ZNF407: variants seen among roughly 807,000 people sequenced by gnomAD.
ZNF407 encodes zinc finger protein 407.
ZNF407 carries 17 observed loss-of-function variants against 131.2 expected under a neutral mutation model. The ratio of observed to expected loss-of-function variants is 0.13; its 90% CI spans 0.09 to 0.19. ZNF407 has a LOEUF of 0.19. Among genes scored for constraint, ZNF407 ranks in the 10% least tolerant of loss-of-function variants. The pLI is 1.00. For synonymous variants in ZNF407, 1,156 were observed against 1,062.0 expected (o/e 1.09, Z -1.72); for missense variants, 2,681 against 2,830.6 (o/e 0.95, Z 1.20).
At chr18:74,720,131 A>G (rs971398268) in intron 3 of ZNF407, among the ~76,000 whole-genome samples, 24 of 152,008 alleles carry the variant, frequency 1.6e-4, no homozygotes, top group Non-Finnish European at 3.1e-4. Flanking sequence ...CCAACGGTGT[A>G]TAAGAAATAG....
chr18:74,846,770 G>A (rs1599193317), intron 4 of ZNF407, among the ~76,000 whole-genome samples: 1 of 151,786 alleles, frequency 6.6e-6, no homozygotes, highest in East Asian at 2.0e-4. Flanking sequence ...GAGGCTGGCG[G>A]AACACGAGGT....
intron 8 of ZNF407, among the ~76,000 whole-genome samples, chr18:74,945,958 G>A (rs1430376920): frequency 6.6e-6 from 1 of 152,178 alleles, no homozygotes; most frequent in Admixed American, 6.5e-5. Context: ...CTAAGTGACA[G>A]GCCTCCGTAA....
At chr18:74,866,403 C>G (rs1221993830) in intron 4 of ZNF407, among the ~76,000 whole-genome samples, 1 of 152,120 alleles carries the variant, frequency 6.6e-6, no homozygotes, top group Non-Finnish European at 1.5e-5. Context: ...TCCTGACATG[C>G]TAGAAGGCCG....
intron 8 of ZNF407, among the ~76,000 whole-genome samples, chr18:75,004,503 G>A (rs932871021): frequency 2.6e-5 from 4 of 152,124 alleles, no homozygotes; most frequent in Non-Finnish European, 5.9e-5. Context: ...GTGCTTCCTC[G>A]GGAATAAAAC....
At chr18:74,628,483 A>C (rs1983900508) in intron 1 of ZNF407, among the ~76,000 whole-genome samples, 2 of 152,200 alleles carry the variant, frequency 1.3e-5, no homozygotes, top group South Asian at 2.1e-4. Flanking sequence ...TAGACATTTC[A>C]TATAAAAAGG....
intron 8 of ZNF407, among the ~76,000 whole-genome samples, chr18:74,926,349 C>T (rs900742968): frequency 2.0e-5 from 3 of 152,098 alleles, no homozygotes; most frequent in African/African-American, 7.2e-5. Context: ...CTGTTGTTTG[C>T]AGTAATGTAA....
chr18:74,933,776 T>A (rs1272348739), intron 8 of ZNF407, among the ~76,000 whole-genome samples: 1 of 152,214 alleles, frequency 6.6e-6, no homozygotes, highest in Non-Finnish European at 1.5e-5. Context: ...TGAAATTTAA[T>A]GGACTAAACA....
At chr18:74,889,811 T>C (rs930269463) in intron 6 of ZNF407, 107 bp from the exon 7 acceptor site, 17 of 1,032,276 alleles carry the variant, frequency 1.6e-5, no homozygotes, top group Non-Finnish European at 2.1e-5. Context: ...ATCATATTCT[T>C]GACATTTCAT....
rs116148958 is a variant in ZNF407, at chr18:74,980,710, C to T, written c.5428+60018C>T. Among the ~76,000 whole-genome samples the T allele has an allele frequency of 7.6e-3, 1,164 of 152,226 alleles. 7 individuals are homozygous for T. Among genetic ancestry groups the T allele is most frequent in the African/African-American group, 0.021 (859 of 41,528 alleles). On this transcript the variant is annotated intron_variant, in intron 8 of 8. Transcript: ENST00000299687. Reference sequence around the variant, plus strand: ...TTTCCAACCTAAGAAGATTCATTTGCAGGCATGAGTGACATGATTTTTTTA... The same window carrying T: ...TTTCCAACCTAAGAAGATTCATTTGTAGGCATGAGTGACATGATTTTTTTA...
chr18:74,637,997 C>T (rs1399141542), intron 2 of ZNF407, among the ~76,000 whole-genome samples: 1 of 152,182 alleles, frequency 6.6e-6, no homozygotes, highest in Non-Finnish European at 1.5e-5. Context: ...ATTAGCAGGA[C>T]TAAAAAACTT....
intron 7 of ZNF407, among the ~76,000 whole-genome samples, chr18:74,896,400 G>T (rs558757786): frequency 1.3e-5 from 2 of 152,294 alleles, no homozygotes; most frequent in South Asian, 2.1e-4. Context: ...CAGGCTGAAA[G>T]ATTACTTTGA....
In ZNF407 at chr18:75,063,245, G is replaced by A. The variant is rs1973659536; in HGVS notation, c.5524G>A (p.Glu1842Lys). The change falls in exon 9 of 9, where the codon GAG becomes AAG. Residue 1842 changes from glutamate to lysine, a missense_variant. Glu to Lys is a moderately conservative substitution (Grantham distance 56, BLOSUM62 1). Transcript: ENST00000299687. This position sits in a 1 kb window ranked among gnomAD's most constrained non-coding sequence, Gnocchi z 6.6. ...CTTCACCGCGGCGGCCTTGGCAGAA[G>A]AGCCCCTCGTCAAGGAGAAGCCCCT... Reference protein sequence around the residue: ...SPFTAAALAEEPLVKEKPLRS... With the variant: ...SPFTAAALAEKPLVKEKPLRS... The A allele has an allele frequency of 6.2e-7, 1 of 1,613,478 alleles. No individual in the cohort carries two copies. Among genetic ancestry groups the A allele is most frequent in the African/African-American group, 1.3e-5 (1 of 74,934 alleles).
chr18:74,867,553 G>C (rs1339775400), intron 4 of ZNF407, among the ~76,000 whole-genome samples: 1 of 152,126 alleles, frequency 6.6e-6, no homozygotes, highest in Non-Finnish European at 1.5e-5. Flanking sequence ...CTTACTAGCT[G>C]CTTTTTCCTC....
chr18:74,733,268 T>C (rs1968336114), intron 3 of ZNF407, among the ~76,000 whole-genome samples: 1 of 152,200 alleles, frequency 6.6e-6, no homozygotes, highest in South Asian at 2.1e-4. Flanking sequence ...AATCTGTGCC[T>C]GAACCTCTTT....
chr18:74,651,284 T>C (rs999433758), intron 3 of ZNF407, among the ~76,000 whole-genome samples: 2 of 152,194 alleles, frequency 1.3e-5, no homozygotes, highest in African/African-American at 4.8e-5. Context: ...TCTTGCACTT[T>C]GGGAAGAAGT....
chr18:74,665,010 C>T (rs1364973261), intron 3 of ZNF407, among the ~76,000 whole-genome samples: 2 of 152,244 alleles, frequency 1.3e-5, no homozygotes, highest in Admixed American at 1.3e-4. Flanking sequence ...CACCAGGTTT[C>T]ACCTCTGCTT....
In ZNF407 at chr18:75,049,927, T is replaced by C. The variant is rs572412528; in HGVS notation, c.5429-13223T>C. 2.6e-5 allele frequency among the ~76,000 whole-genome samples: 4 copies of C among 152,324 alleles called. No individual in the cohort carries two copies. The South Asian group carries it at 6.2e-4, about 24-fold the overall frequency. ...TGCCTGAACTCTGTACTTGTATTGA[T>C]GTAGCCACATCAGTGTATTGATCCT... On this transcript the variant is annotated intron_variant, in intron 8 of 8. Transcript: ENST00000299687.
chr18:74,914,503 C>T (rs553600622), intron 7 of ZNF407, among the ~76,000 whole-genome samples: 2 of 152,338 alleles, frequency 1.3e-5, no homozygotes, highest in Admixed American at 1.3e-4. Context: ...CTTTTACCAA[C>T]TCTCTGACTT....
chr18:74,634,725 A>T lies in ZNF407; in HGVS notation c.3706A>T (p.Asn1236Tyr). 1 of 1,614,046 alleles carries T rather than the reference A, an allele frequency of 6.2e-7. No homozygotes were observed. The highest frequency in any genetic ancestry group is 1.1e-5 in the South Asian group (1 of 91,080). ...LRVHCEGEGG[N>Y]AGDGGGVVPH... ...TGTCCATTGTGAGGGTGAAGGAGGA[A>T]ACGCAGGAGACGGTGGAGGTGTTGT... The change falls in exon 2 of 9, where the codon AAC becomes TAC. Residue 1236 changes from asparagine (N) to tyrosine (Y), a missense_variant. Coordinates refer to ENST00000299687, the MANE Select transcript of ZNF407 (RefSeq NM_017757.3).
Sources: allele counts gnomAD v4.1 joint callset (sites outside exome capture counted in the v4.1 genomes callset), GRCh38; gene constraint gnomAD v4.1.1; non-coding constraint Gnocchi (gnomAD v3.1); transcripts MANE v1.5; gene names NCBI Gene and HGNC (gene_info 2026-07-23, HGNC 2026-07-21).